The following SLC24A4 variants were observed in gnomAD, a reference collection of about 807,000 sequenced individuals.
The protein encoded by SLC24A4 is sodium/potassium/calcium exchanger 4.
In SLC24A4, 53 loss-of-function variants were observed where a neutral mutation model predicts 79.0. That is an observed-to-expected ratio of 0.67 (90% confidence interval 0.54 to 0.84). The LOEUF (loss-of-function observed/expected upper bound fraction) is 0.84, where lower values mean the gene tolerates loss of function less well. SLC24A4 is among the 40% of genes least tolerant of loss of function. The probability of loss-of-function intolerance (pLI) is 0.00; values close to 1 mark genes in which losing one functional copy is unlikely to be tolerated. For synonymous variants in SLC24A4, 323 were observed against 323.8 expected, an observed-to-expected ratio of 1.00 and a Z score of 0.03; for missense variants, 731 against 822.0, an observed-to-expected ratio of 0.89 and a Z score of 1.35.
At chr14:92,421,840 A>T (rs1445423477) in intron 2 of SLC24A4, among the ~76,000 whole-genome samples, 1 of 152,124 alleles carries the variant, frequency 6.6e-6, no homozygotes, top group African/African-American at 2.4e-5. Context: ...ATTTTTTTAA[A>T]AAAAATAAAG....
At chr14:92,439,259 T>C in intron 3 of SLC24A4, 76 bp from the exon 4 acceptor site, 1 of 1,273,582 alleles carries the variant, frequency 7.9e-7, no homozygotes, top group Non-Finnish European at 1.1e-6. Context: ...GGCAGCCTGG[T>C]TTGGGGTGTG....
rs145165498 is a variant in SLC24A4 at position 92,446,830 on chromosome 14, G to A, written c.684-541G>A. ...ATTGGGTGGGATGCACCAGAGGGTA[G>A]TAATGGTTGCATCCCAGGAAGACCC... is the stretch of plus-strand genomic sequence containing the variant. On this transcript the variant is annotated intron_variant, in intron 8 of 16. Transcript: ENST00000532405. Among the ~76,000 whole-genome samples, 8 of 152,346 alleles carry A rather than the reference G, an allele frequency of 5.3e-5. No individual in the cohort carries two copies. In the East Asian group the frequency reaches 1.5e-3, roughly 29 times the overall value.
At position 92,369,791 on chromosome 14, in the gene SLC24A4, A is replaced by G. The variant is rs140251280; in HGVS notation, c.241+43813A>G. ...CTCCTACCTGCTAGATGCCAATAGC[A>G]TACTCACCCACTCACCCCGAAGTCT... is the stretch of plus-strand genomic sequence containing the variant. On this transcript the variant is annotated intron_variant, in intron 2 of 16. Coordinates refer to ENST00000532405, the MANE Select transcript of SLC24A4 (RefSeq NM_153646.4). Among the ~76,000 whole-genome samples, 245 of 152,266 alleles carry G rather than the reference A, an allele frequency of 1.6e-3. 3 individuals carry two copies. Among genetic ancestry groups the G allele is most frequent in the African/African-American group, 5.8e-3 (240 of 41,552 alleles).
intron 16 of SLC24A4, chr14:92,492,951 C>T (rs894908869): frequency 1.9e-5 from 8 of 429,314 alleles, no homozygotes; most frequent in African/African-American, 1.5e-4. Flanking sequence ...CTTTAACCCT[C>T]TACCCCAAAC....
In SLC24A4 at chr14:92,486,799, C is replaced by T. The variant is rs772247791; in HGVS notation, c.1537+19C>T. The T allele has an allele frequency of 2.5e-5, 40 of 1,578,356 alleles. No homozygotes were observed. The highest frequency in any genetic ancestry group is 2.2e-5 in the South Asian group (2 of 90,080). ...AGACAAGGTATGGATTATGCCCCAGCCCTCATAGTCATGCAGTGCAGGCCA... is the reference window on the plus strand; with the variant it reads ...AGACAAGGTATGGATTATGCCCCAGTCCTCATAGTCATGCAGTGCAGGCCA... On this transcript the variant is annotated intron_variant, in intron 14 of 16. Transcript: ENST00000532405.
intron 12 of SLC24A4, among the ~76,000 whole-genome samples, chr14:92,461,481 TG>T: frequency 6.6e-6 from 1 of 152,334 alleles, no homozygotes; most frequent in Admixed American, 6.5e-5. Context: ...CCAGCATGGT[TG>T]GGTTCTGTGT....
chr14:92,382,979 T>C (rs1363394418), intron 2 of SLC24A4, among the ~76,000 whole-genome samples: 1 of 152,232 alleles, frequency 6.6e-6, no homozygotes, highest in East Asian at 1.9e-4. Flanking sequence ...GCAGTGAGGC[T>C]GTTGGCTAGC....
intron 2 of SLC24A4, among the ~76,000 whole-genome samples, chr14:92,343,625 T>C (rs1390462392): frequency 9.1e-5 from 13 of 142,168 alleles, no homozygotes; most frequent in East Asian, 4.2e-4. Context: ...TCTTTCTTTC[T>C]TTCTTTCTTT....
At chr14:92,347,679 A>G (rs1323163257) in intron 2 of SLC24A4, among the ~76,000 whole-genome samples, 1 of 152,222 alleles carries the variant, frequency 6.6e-6, no homozygotes, top group East Asian at 1.9e-4. Flanking sequence ...CTGTAATCCC[A>G]GCACTTTGGG....
At chr14:92,474,863 A>ATATATATATATATATATATATATATTT (rs36185636) in intron 12 of SLC24A4, among the ~76,000 whole-genome samples, 2 of 57,120 alleles carry the variant, frequency 3.5e-5, no homozygotes, top group African/African-American at 6.5e-5. Context: ...ATATATATAT[A>ATATATATATATATATATATATATATTT]TTTTTTTTTT....
intron 2 of SLC24A4, among the ~76,000 whole-genome samples, chr14:92,383,544 T>C (rs572034305): frequency 6.6e-6 from 1 of 152,292 alleles, no homozygotes; most frequent in Non-Finnish European, 1.5e-5. Context: ...CAGGCAGCAT[T>C]GTGACCACTG....
chr14:92,380,684 TCA>T (rs918108910), intron 2 of SLC24A4, among the ~76,000 whole-genome samples: 1 of 152,088 alleles, frequency 6.6e-6, no homozygotes, highest in Non-Finnish European at 1.5e-5. Context: ...CCGCCCAGGG[TCA>T]CACAACACTG....
intron 12 of SLC24A4, among the ~76,000 whole-genome samples, chr14:92,477,344 G>A (rs1398251095): frequency 6.6e-6 from 1 of 152,120 alleles, no homozygotes; most frequent in African/African-American, 2.4e-5. Flanking sequence ...TGAGTAGTAA[G>A]AGTTCTTTAC....
At chr14:92,405,780 AG>A (rs1890342962) in intron 2 of SLC24A4, among the ~76,000 whole-genome samples, 1 of 152,136 alleles carries the variant, frequency 6.6e-6, no homozygotes, top group African/African-American at 2.4e-5. Context: ...ACCTCCTACC[AG>A]GCCCCTCCTC....
intron 3 of SLC24A4, among the ~76,000 whole-genome samples, chr14:92,436,687 T>A (rs894383083): frequency 6.6e-6 from 1 of 152,210 alleles, no homozygotes. Context: ...CAGTTTTGCC[T>A]GCAGTGCTCC....
intron 2 of SLC24A4, among the ~76,000 whole-genome samples, chr14:92,407,857 TTG>T (rs60398538): frequency 0.04 from 5,813 of 143,560 alleles, 221 homozygotes; most frequent in African/African-American, 0.12. Flanking sequence ...CAGAGTGATA[TTG>T]TGTGTGTGTG....
chr14:92,489,422 C>T (rs1895551735), intron 14 of SLC24A4, among the ~76,000 whole-genome samples: 1 of 151,822 alleles, frequency 6.6e-6, no homozygotes, highest in African/African-American at 2.4e-5. Flanking sequence ...AGGGAGACTT[C>T]GTCTCAAAAA....
intron 4 of SLC24A4, 90 bp downstream of exon 4, chr14:92,439,499 G>A (rs769780240): frequency 5.4e-5 from 64 of 1,194,024 alleles, no homozygotes; most frequent in Admixed American, 4.1e-4. Flanking sequence ...GCTGGCGTGG[G>A]GAGCATGCTG....
rs1425524878 is a variant in SLC24A4, at chr14:92,493,911, A to T, written c.*283A>T. ...TGCCAACCACGGAGATGTGCCAAGCATCTCATCTCTCCTGCACACTTTAGT... is the reference window on the plus strand; with the variant it reads ...TGCCAACCACGGAGATGTGCCAAGCTTCTCATCTCTCCTGCACACTTTAGT... On this transcript the variant is annotated 3_prime_UTR_variant, in exon 17 of 17. Coordinates refer to ENST00000532405, the MANE Select transcript of SLC24A4 (RefSeq NM_153646.4). 1 of 445,856 alleles carries T rather than the reference A, an allele frequency of 2.2e-6. No homozygotes were observed. The highest frequency in any genetic ancestry group is 4.1e-6 in the Non-Finnish European group (1 of 246,344). 27.6% of individuals were successfully genotyped at this position (445,856 alleles called of 1,614,324 possible).
Sources: allele counts gnomAD v4.1 joint callset (sites outside exome capture counted in the v4.1 genomes callset), GRCh38; gene constraint gnomAD v4.1.1; transcripts MANE v1.5; gene names NCBI Gene and HGNC (gene_info 2026-07-23, HGNC 2026-07-21).